The following MDGA2 variants were observed in gnomAD, a reference collection of about 807,000 sequenced individuals.
MDGA2 encodes MAM domain-containing glycosylphosphatidylinositol anchor protein 2.
Under a neutral mutation model 117.8 loss-of-function variants are expected in MDGA2, and 40 were observed. The observed-to-expected ratio is 0.34, with a 90% confidence interval of 0.26 to 0.44. MDGA2 has a LOEUF of 0.44. Ranked by LOEUF, MDGA2 falls within the 20% of genes least tolerant of loss-of-function variation. The pLI is 1.00. For synonymous variants in MDGA2, 452 were observed against 439.0 expected (o/e 1.03, Z -0.37); for missense variants, 1,123 against 1,250.6 (o/e 0.90, Z 1.54).
At chr14:47,668,264 G>T (rs1898012317) in intron 1 of MDGA2, among the ~76,000 whole-genome samples, 1 of 152,172 alleles carries the variant, frequency 6.6e-6, no homozygotes, top group African/African-American at 2.4e-5. Flanking sequence ...AGGTGGTATA[G>T]TTAGAAAAGA....
At chr14:47,133,597 C>T (rs1566643412) in intron 4 of MDGA2, among the ~76,000 whole-genome samples, 1 of 152,060 alleles carries the variant, frequency 6.6e-6, no homozygotes, top group East Asian at 1.9e-4. Context: ...GTCTAAGCCC[C>T]ATTTCCAGAA....
intron 1 of MDGA2, among the ~76,000 whole-genome samples, chr14:47,553,236 C>T (rs1008097787): frequency 8.5e-5 from 13 of 152,200 alleles, no homozygotes; most frequent in African/African-American, 3.1e-4. Flanking sequence ...TGTGAACTTT[C>T]TGAGGGCAAA....
chr14:47,387,166 C>T (rs1056075131), intron 1 of MDGA2, among the ~76,000 whole-genome samples: 4 of 152,050 alleles, frequency 2.6e-5, no homozygotes, highest in Non-Finnish European at 5.9e-5. Context: ...TCTCAGGAAA[C>T]GTTAAGGATC....
chr14:47,106,312 T>C (rs1880671694), intron 5 of MDGA2, among the ~76,000 whole-genome samples: 2 of 152,072 alleles, frequency 1.3e-5, no homozygotes, highest in Admixed American at 1.3e-4. Flanking sequence ...CTTCAAGGTG[T>C]ACCATAATAG....
intron 1 of MDGA2, among the ~76,000 whole-genome samples, chr14:47,318,810 G>GGAAGC (rs1555373009): frequency 1.3e-5 from 2 of 150,058 alleles, no homozygotes; most frequent in African/African-American, 4.9e-5. Flanking sequence ...AGGGAGGAAA[G>GGAAGC]AAGGAAGGAA....
intron 6 of MDGA2, among the ~76,000 whole-genome samples, chr14:47,090,921 A>G (rs1879614935): frequency 6.6e-6 from 1 of 152,174 alleles, no homozygotes; most frequent in Non-Finnish European, 1.5e-5. Flanking sequence ...CTGCAGACCT[A>G]GCCACCCTCT....
intron 6 of MDGA2, among the ~76,000 whole-genome samples, chr14:47,067,914 G>A (rs1441862598): frequency 2.6e-5 from 4 of 152,120 alleles, no homozygotes; most frequent in African/African-American, 4.8e-5. Context: ...ATGCTATTAA[G>A]TATTCTTATA....
intron 15 of MDGA2, among the ~76,000 whole-genome samples, chr14:46,848,011 G>T (rs1880910234): frequency 6.6e-6 from 1 of 151,986 alleles, no homozygotes; most frequent in African/African-American, 2.4e-5. Flanking sequence ...AATACTGCTT[G>T]TAGAGTGCAA....
At chr14:47,251,212 C>T (rs1293958462) in intron 2 of MDGA2, among the ~76,000 whole-genome samples, 5 of 152,128 alleles carry the variant, frequency 3.3e-5, no homozygotes, top group African/African-American at 2.4e-5. Context: ...TGCTTCAGGG[C>T]CTTTTCACCT....
intron 1 of MDGA2, among the ~76,000 whole-genome samples, chr14:47,349,968 C>T (rs1046814520): frequency 2.6e-5 from 4 of 152,200 alleles, no homozygotes; most frequent in African/African-American, 9.6e-5. Flanking sequence ...ATCCATTTCT[C>T]GAAGGCAGGA....
Position 47,226,404 on chromosome 14 carries a change from T to G in MDGA2, c.421-8209A>C, listed in dbSNP as rs1300749145. Among the ~76,000 whole-genome samples, 30 of 152,058 alleles carry G rather than the reference T, an allele frequency of 2.0e-4. 1 individual carries two copies. Among genetic ancestry groups the G allele is most frequent in the Admixed American group, 2.0e-3 (30 of 15,252 alleles). On this transcript the variant is annotated intron_variant, in intron 2 of 16. Transcript: ENST00000399232. ...GCGAGGACATAATATTTCTGAACAC[T>G]AGATGGGCCTTAAAGCAGATAGCAA...
chr14:47,066,255 A>C (rs1954241), intron 6 of MDGA2, among the ~76,000 whole-genome samples: 2 of 151,988 alleles, frequency 1.3e-5, no homozygotes, highest in Non-Finnish European at 2.9e-5. Context: ...TGCATTGTTA[A>C]AGTTGGTACT....
At chr14:47,389,361 CAT>C (rs1891836149) in intron 1 of MDGA2, among the ~76,000 whole-genome samples, 1 of 152,052 alleles carries the variant, frequency 6.6e-6, no homozygotes, top group South Asian at 2.1e-4. Flanking sequence ...CCCAAACTGA[CAT>C]ATAATGACTA....
At chr14:47,468,888 C>T (rs1376497750) in intron 1 of MDGA2, among the ~76,000 whole-genome samples, 1 of 151,870 alleles carries the variant, frequency 6.6e-6, no homozygotes, top group Non-Finnish European at 1.5e-5. Flanking sequence ...TTTAAATTGC[C>T]TTTAAAATGT....
intron 1 of MDGA2, among the ~76,000 whole-genome samples, chr14:47,412,716 C>T (rs2138489187): frequency 6.6e-6 from 1 of 152,320 alleles, no homozygotes; most frequent in South Asian, 2.1e-4. Flanking sequence ...AGAAATGCTC[C>T]AGGCTATCAC....
At chr14:47,422,010 G>C (rs1390420737) in intron 1 of MDGA2, among the ~76,000 whole-genome samples, 2 of 151,878 alleles carry the variant, frequency 1.3e-5, no homozygotes, top group African/African-American at 4.8e-5. Context: ...ATTCTTTGAA[G>C]TTTAAATGCC....
At chr14:47,617,118 TC>T (rs1896960591) in intron 1 of MDGA2, among the ~76,000 whole-genome samples, 1 of 152,136 alleles carries the variant, frequency 6.6e-6, no homozygotes, top group African/African-American at 2.4e-5. Context: ...CTACAAAAGA[TC>T]TAACAGTCTC....
At chr14:47,154,708 A>G (rs1883299324) in intron 3 of MDGA2, among the ~76,000 whole-genome samples, 1 of 152,180 alleles carries the variant, frequency 6.6e-6, no homozygotes, top group South Asian at 2.1e-4. Flanking sequence ...GACTTTAGGT[A>G]GTGACAAGTA....
intron 1 of MDGA2, among the ~76,000 whole-genome samples, chr14:47,325,101 G>C (rs1304466782): frequency 3.3e-5 from 5 of 152,296 alleles, no homozygotes; most frequent in East Asian, 1.9e-4. Flanking sequence ...ACTAGAACTA[G>C]TGTGTAATAG....
Sources: gnomAD v4.1 joint callset for allele counts (sites outside exome capture counted in the v4.1 genomes callset) on GRCh38, gnomAD v4.1.1 for gene constraint, MANE v1.5 for transcripts, NCBI Gene and HGNC (gene_info 2026-07-23, HGNC 2026-07-21) for gene names.